Variants in CHMP3 observed in about 807,000 individuals in gnomAD.
The protein encoded by CHMP3 is charged multivesicular body protein 3, also known as 25.1 protein.
CHMP3 carries 8 observed loss-of-function variants against 27.4 expected under a neutral mutation model. The observed-to-expected ratio is 0.29, with a 90% CI of 0.17 to 0.53. The LOEUF (loss-of-function observed/expected upper bound fraction) is 0.53. Among genes scored for constraint, CHMP3 ranks in the 20% least tolerant of loss-of-function variants. The pLI, the probability that CHMP3 is intolerant of heterozygous loss-of-function variation, is 0.96. For missense variants in CHMP3, 208 were observed against 271.5 expected (o/e 0.77, Z 1.64); for synonymous variants, 86 against 85.5 (o/e 1.01, Z -0.03).
In CHMP3 at chr2:86,529,388, C is replaced by G. The variant is rs762716183; in HGVS notation, c.116G>C (p.Arg39Thr). Residue 39 changes from arginine (R) to threonine (T), a missense_variant, in exon 3 of 6, where the codon AGA becomes ACA. Coordinates refer to ENST00000263856, the MANE Select transcript of CHMP3 (RefSeq NM_016079.4). ...VVDRQIRDIQ[R>T]EEEKVKRSVK... is the part of the protein sequence containing the mutation. ...AGATCGTTTCACTTTTTCTTCTTCT[C>G]TTTGGATATCTAAATTTAGAACAGA... 52 of 1,595,322 alleles carry G rather than the reference C, an allele frequency of 3.3e-5. No homozygotes were observed. Among genetic ancestry groups the G allele is most frequent in the Non-Finnish European group, 4.4e-5 (52 of 1,172,516 alleles).
chr2:86,522,048 G>A (rs1194735086), intron 3 of CHMP3, among the ~76,000 whole-genome samples: 7 of 152,086 alleles, frequency 4.6e-5, no homozygotes, highest in Admixed American at 4.6e-4. Context: ...CTCATCATCT[G>A]TCTTACACTG....
rs184239305 is a variant in CHMP3, at chr2:86,506,032, A to G, written c.524-83T>C. On this transcript the variant is annotated intron_variant, in intron 5 of 5. Transcript: ENST00000263856. ...CTTCCCTGCCTTTCATTCCTGGACCAATCTGACCAGATACAAAAATGAGAC... is the reference window on the plus strand; with the variant it reads ...CTTCCCTGCCTTTCATTCCTGGACCGATCTGACCAGATACAAAAATGAGAC... 21 of 1,385,508 alleles carry G rather than the reference A, an allele frequency of 1.5e-5. No individual in the cohort carries two copies. The Admixed American group carries it at 5.3e-4, about 35-fold the overall frequency. The allele number at this position is 1,385,508 out of a possible 1,614,324, so 85.8% of individuals were successfully genotyped here.
intron 4 of CHMP3, 134 bp from the exon 5 acceptor site, chr2:86,507,727 C>A: frequency 7.1e-6 from 5 of 707,712 alleles, no homozygotes; most frequent in East Asian, 2.6e-5. Flanking sequence ...GACAGCTGGC[C>A]AAAGGAAACA....
chr2:86,543,867 A>G (rs550162571), intron 1 of CHMP3, among the ~76,000 whole-genome samples: 15 of 152,360 alleles, frequency 9.8e-5, no homozygotes, highest in African/African-American at 3.6e-4. Flanking sequence ...TGAAATTTAT[A>G]TAATTAACCA....
At position 86,561,968 on chromosome 2, in the gene CHMP3, T is replaced by G. The variant is rs1281303468; in HGVS notation, c.45+1336A>C. ...ATCTCTCCCTACCACACTTCTACAATAACAAGAATCTTAGAATATACAGAT... is the reference window on the plus strand; with the variant it reads ...ATCTCTCCCTACCACACTTCTACAAGAACAAGAATCTTAGAATATACAGAT... On this transcript the variant is annotated intron_variant, in intron 1 of 5. Transcript: ENST00000263856. 2.6e-5 allele frequency: 4 copies of G among 152,200 alleles called. No individual in the cohort carries two copies. The East Asian group carries it at 7.7e-4, about 29-fold the overall frequency. 9.4% of individuals were successfully genotyped at this position (152,200 alleles called of 1,614,324 possible). A position where few individuals can be genotyped will look rare whatever the true frequency, so the allele number is the denominator to read the frequency against.
chr2:86,509,000 C>T (rs754076020), intron 4 of CHMP3, among the ~76,000 whole-genome samples: 2 of 152,192 alleles, frequency 1.3e-5, no homozygotes, highest in Non-Finnish European at 2.9e-5. Context: ...CAATCAGCAA[C>T]GATTCATCAA....
At chr2:86,562,930 G>C (rs535925893) in intron 1 of CHMP3, 4 of 189,940 alleles carry the variant, frequency 2.1e-5, no homozygotes, top group South Asian at 1.6e-4. Context: ...GGTTCTCCGG[G>C]TGGTCCGCAG....
chr2:86,507,012 T>C (rs1225983891), intron 5 of CHMP3: 1 of 145,616 alleles, frequency 6.9e-6, no homozygotes, highest in Non-Finnish European at 1.5e-5. Context: ...AGTCAATCTA[T>C]TAGGTCAAAT....
chr2:86,507,627 G>A (rs1262594716), intron 4 of CHMP3, 34 bp from the exon 5 acceptor site: 1 of 1,583,456 alleles, frequency 6.3e-7, no homozygotes, highest in Non-Finnish European at 8.7e-7. Flanking sequence ...TCGGTCAACT[G>A]TTAAATCTGT....
At chr2:86,561,932 G>A (rs565094892) in intron 1 of CHMP3, 1 of 152,248 alleles carries the variant, frequency 6.6e-6, no homozygotes, top group African/African-American at 2.4e-5. Flanking sequence ...AAACACTGAA[G>A]ACAACAAATA....
At chr2:86,552,867 G>A (rs949864590) in intron 1 of CHMP3, among the ~76,000 whole-genome samples, 6 of 152,154 alleles carry the variant, frequency 3.9e-5, no homozygotes, top group African/African-American at 1.2e-4. Context: ...GACATGGAAG[G>A]AGCTAGAAGC....
rs932802187 is a variant in CHMP3, at chr2:86,506,627, T to C, written c.524-678A>G. Reference sequence around the variant, plus strand: ...TTAGGCATTTAGTTTGTTTCGAACCTTTTTTTTTTTTTTTTTTTGAGACAG... The same window carrying C: ...TTAGGCATTTAGTTTGTTTCGAACCCTTTTTTTTTTTTTTTTTTGAGACAG... On this transcript the variant is annotated intron_variant, in intron 5 of 5. Transcript: ENST00000263856. 1.4e-4 allele frequency among the ~76,000 whole-genome samples: 17 copies of C among 121,732 alleles called. No homozygotes were observed. In the East Asian group the frequency reaches 3.1e-3, roughly 22 times the overall value. The allele number at this position is 121,732 out of a possible 152,430, so 79.9% of individuals were successfully genotyped here.
At chr2:86,554,496 G>A (rs1019901300) in intron 1 of CHMP3, among the ~76,000 whole-genome samples, 3 of 152,144 alleles carry the variant, frequency 2.0e-5, no homozygotes, top group Non-Finnish European at 2.9e-5. Context: ...GAAAAAGCCT[G>A]ATATTCATTT....
chr2:86,515,308 C>T (rs1294601137), intron 3 of CHMP3: 2 of 152,026 alleles, frequency 1.3e-5, no homozygotes, highest in African/African-American at 4.8e-5. Flanking sequence ...CAAGAGAACA[C>T]TAGATTTCTT....
chr2:86,562,418 A>G (rs1443991378), intron 1 of CHMP3, among the ~76,000 whole-genome samples: 1 of 152,170 alleles, frequency 6.6e-6, no homozygotes, highest in Non-Finnish European at 1.5e-5. Context: ...AGATTTAACA[A>G]GCTCCCAGGT....
At chr2:86,555,511 A>T (rs892029605) in intron 1 of CHMP3, among the ~76,000 whole-genome samples, 3 of 147,246 alleles carry the variant, frequency 2.0e-5, no homozygotes, top group African/African-American at 7.3e-5. Context: ...AAAAAAAAAA[A>T]TAAATAAATA....
chr2:86,526,426 T>C (rs1675712714), intron 3 of CHMP3, among the ~76,000 whole-genome samples: 1 of 152,226 alleles, frequency 6.6e-6, no homozygotes, highest in African/African-American at 2.4e-5. Context: ...CATGAACTGC[T>C]GCTGGAAATA....
intron 1 of CHMP3, among the ~76,000 whole-genome samples, chr2:86,555,551 A>C (rs770077242): frequency 1.1e-4 from 17 of 152,178 alleles, no homozygotes; most frequent in Non-Finnish European, 2.2e-4. Context: ...CACAGTTCTA[A>C]AGCCAGAAAT....
At chr2:86,530,845 G>A (rs1333894799) in intron 2 of CHMP3, among the ~76,000 whole-genome samples, 1 of 152,162 alleles carries the variant, frequency 6.6e-6, no homozygotes, top group African/African-American at 2.4e-5. Flanking sequence ...TTTCCTGGGG[G>A]TTTTGTTGTT....
Sources: allele counts gnomAD v4.1 joint callset (sites outside exome capture counted in the v4.1 genomes callset), GRCh38; gene constraint gnomAD v4.1.1; transcripts MANE v1.5; gene names NCBI Gene and HGNC (gene_info 2026-07-23, HGNC 2026-07-21).